The following PHLPP1 variants were observed in gnomAD, a reference collection of about 807,000 sequenced individuals.
PHLPP1 encodes the protein PH domain leucine-rich repeat-containing protein phosphatase 1.
PHLPP1 carries 42 observed loss-of-function variants against 117.2 expected under a neutral mutation model. The observed-to-expected ratio is 0.36, with a 90% CI of 0.28 to 0.46. The LOEUF (loss-of-function observed/expected upper bound fraction) is 0.46. Ranked by LOEUF, PHLPP1 falls within the 20% of genes least tolerant of loss-of-function variation. The pLI is 1.00. For synonymous variants in PHLPP1, 1,042 were observed against 970.7 expected, an observed-to-expected ratio of 1.07 and a Z score of -1.37; for missense variants, 2,084 against 2,241.9, an observed-to-expected ratio of 0.93 and a Z score of 1.42.
intron 2 of PHLPP1, among the ~76,000 whole-genome samples, chr18:62,832,522 G>A (rs183378938): frequency 2.4e-4 from 36 of 152,304 alleles, no homozygotes; most frequent in Non-Finnish European, 5.3e-4. Context: ...CTAGAGTCTT[G>A]TCCTGTTTCC....
At chr18:62,897,993 C>T (rs867999180) in intron 6 of PHLPP1, among the ~76,000 whole-genome samples, 50 of 151,790 alleles carry the variant, frequency 3.3e-4, no homozygotes, top group Middle Eastern at 6.8e-3. Flanking sequence ...TCTTCTGTGG[C>T]ATCATTAATA....
intron 2 of PHLPP1, among the ~76,000 whole-genome samples, chr18:62,837,385 C>A (rs1285534081): frequency 2.6e-5 from 4 of 152,076 alleles, no homozygotes; most frequent in African/African-American, 9.7e-5. Flanking sequence ...TCATAATATT[C>A]TCTTCTTAAT....
At position 62,824,244 on chromosome 18, in the gene PHLPP1, G is replaced by A. The variant is rs114953724; in HGVS notation, c.1577-5791G>A. 4.9e-3 allele frequency: 2,212 copies of A among 454,148 alleles called. 43 individuals are homozygous for A. Among genetic ancestry groups the A allele is most frequent in the African/African-American group, 0.038 (1,913 of 49,756 alleles). 28.1% of individuals were successfully genotyped at this position (454,148 alleles called of 1,614,324 possible). On this transcript the variant is annotated intron_variant, in intron 1 of 16. Coordinates refer to ENST00000262719, the MANE Select transcript of PHLPP1 (RefSeq NM_194449.4). Reference sequence around the variant, plus strand: ...CCATTCCAATCCTAGGTATTTACCCGAGAGGAATCAAAACATTTGTCTATA... The same window carrying A: ...CCATTCCAATCCTAGGTATTTACCCAAGAGGAATCAAAACATTTGTCTATA...
rs748342463 is a variant in PHLPP1 at position 62,978,726 on chromosome 18, T to C, written c.4449T>C (p.Thr1483=). ...CCGAGATTAGCAGTGAGCTCTCCAC[T>C]TCTGAGATGAGCAGCGAGGTGGGGT... The part of the protein sequence containing the change: ...MASEISSELS[T]SEMSSEVGST... Residue 1483 remains threonine (T), a synonymous_variant, in exon 17 of 17, where the codon ACT becomes ACC. Transcript: ENST00000262719. This position sits in a 1 kb window ranked among gnomAD's most constrained non-coding sequence, Gnocchi z 7.0. The C allele has an allele frequency of 1.2e-6, 2 of 1,613,570 alleles. No homozygotes were observed. Among genetic ancestry groups the C allele is most frequent in the East Asian group, 4.5e-5 (2 of 44,852 alleles).
At chr18:62,841,179 C>T (rs554699790) in intron 3 of PHLPP1, among the ~76,000 whole-genome samples, 95 of 152,186 alleles carry the variant, frequency 6.2e-4, no homozygotes, top group African/African-American at 2.2e-3. Flanking sequence ...TGAGCCACTG[C>T]GCCTGGCCTT....
At chr18:62,857,885 A>G (rs1043724140) in intron 3 of PHLPP1, among the ~76,000 whole-genome samples, 7 of 152,258 alleles carry the variant, frequency 4.6e-5, no homozygotes, top group African/African-American at 1.7e-4. Context: ...CTCAACACAT[A>G]TTTTTGAATG....
chr18:62,788,735 G>A (rs1312422150), intron 1 of PHLPP1, among the ~76,000 whole-genome samples: 2 of 152,134 alleles, frequency 1.3e-5, no homozygotes, highest in East Asian at 1.9e-4. Context: ...TTTTGGTACT[G>A]GTTGGATAAA....
At chr18:62,726,275 A>G (rs1022125754) in intron 1 of PHLPP1, among the ~76,000 whole-genome samples, 2 of 152,026 alleles carry the variant, frequency 1.3e-5, no homozygotes, top group East Asian at 3.9e-4. Context: ...AATTTTGTTG[A>G]ACATTAATTG....
chr18:62,816,638 A>G (rs1465110686), intron 1 of PHLPP1, among the ~76,000 whole-genome samples: 1 of 152,108 alleles, frequency 6.6e-6, no homozygotes, highest in Non-Finnish European at 1.5e-5. Flanking sequence ...AGTGGTGGGT[A>G]TTATTAGTCT....
intron 12 of PHLPP1, among the ~76,000 whole-genome samples, chr18:62,953,961 C>G (rs1189249727): frequency 6.6e-6 from 1 of 152,216 alleles, no homozygotes; most frequent in African/African-American, 2.4e-5. Flanking sequence ...ATATATAATA[C>G]TTTGCTATGA....
chr18:62,895,285 T>C (rs1424993628), intron 5 of PHLPP1, 128 bp downstream of exon 5: 46 of 886,634 alleles, frequency 5.2e-5, no homozygotes, highest in Non-Finnish European at 7.2e-5. Context: ...AATCAAGAGA[T>C]CAGGGACTAT....
intron 9 of PHLPP1, 149 bp downstream of exon 9, chr18:62,915,157 G>A (rs1909229604): frequency 1.7e-6 from 1 of 600,524 alleles, no homozygotes; most frequent in South Asian, 2.2e-5. Flanking sequence ...GTGTCTTCAA[G>A]TTACACACTT....
intron 3 of PHLPP1, among the ~76,000 whole-genome samples, chr18:62,845,770 G>A (rs1238974069): frequency 6.6e-6 from 1 of 152,172 alleles, no homozygotes. Flanking sequence ...TAACTTTGAG[G>A]TTGTAATGAT....
At chr18:62,735,981 G>A (rs983846043) in intron 1 of PHLPP1, among the ~76,000 whole-genome samples, 2 of 150,724 alleles carry the variant, frequency 1.3e-5, no homozygotes, top group South Asian at 4.2e-4. Context: ...AAAAAAAAAA[G>A]AGTATAGCTT....
chr18:62,969,930 G>A (rs534974530), intron 14 of PHLPP1, among the ~76,000 whole-genome samples: 325 of 151,856 alleles, frequency 2.1e-3, no homozygotes, highest in African/African-American at 7.6e-3. Flanking sequence ...TTGTCTTTTC[G>A]GTAGTGTTAA....
Position 62,716,439 on chromosome 18 carries a change from C to G in PHLPP1, c.756C>G (p.Pro252=). 1 of 1,321,910 alleles carries G rather than the reference C, an allele frequency of 7.6e-7. No individual in the cohort carries two copies. The allele number at this position is 1,321,910 out of a possible 1,614,324, so 81.9% of individuals were successfully genotyped here. A position where few individuals can be genotyped will look rare whatever the true frequency, so the allele number is the denominator to read the frequency against. Residue 252 remains proline (P), a synonymous_variant, in exon 1 of 17, where the codon CCC becomes CCG. Transcript: ENST00000262719. This position sits in a 1 kb window ranked among gnomAD's most constrained non-coding sequence, Gnocchi z 5.7. ...GGVVKVLGQG[P]GAAAAREPAE... is the part of the protein sequence containing the mutation. Reference sequence around the variant, plus strand: ...TGGTGAAGGTGCTGGGCCAGGGGCCCGGAGCCGCCGCCGCCCGGGAGCCCG... The same window carrying G: ...TGGTGAAGGTGCTGGGCCAGGGGCCGGGAGCCGCCGCCGCCCGGGAGCCCG...
rs774225759 is a variant in PHLPP1 at position 62,900,433 on chromosome 18, C to CTTTTTTTTTTTTTTTTTTTTTTTTT, written c.2445-2527_2445-2503dup. Among the ~76,000 whole-genome samples the CTTTTTTTTTTTTTTTTTTTTTTTTT allele has an allele frequency of 1.7e-4, 9 of 54,258 alleles. 3 individuals are homozygous for CTTTTTTTTTTTTTTTTTTTTTTTTT. The highest frequency in any genetic ancestry group is 7.5e-4 in the South Asian group (1 of 1,342). 35.6% of individuals were successfully genotyped at this position (54,258 alleles called of 152,430 possible). ...GTATTCTTGTTTTTTCTTTTTCTTT[C>CTTTTTTTTTTTTTTTTTTTTTTTTT]TTTTTTTTTTTTTTTTTTTTTTTTT... On this transcript the variant is annotated intron_variant, in intron 6 of 16. Coordinates refer to ENST00000262719, the MANE Select transcript of PHLPP1 (RefSeq NM_194449.4).
chr18:62,918,033 C>T lies in PHLPP1; in HGVS notation c.2805-1926C>T, dbSNP rs576681508. 5.3e-5 allele frequency among the ~76,000 whole-genome samples: 8 copies of T among 151,614 alleles called. No homozygotes were observed. In the South Asian group the frequency reaches 1.3e-3, roughly 24 times the overall value. ...CAGCCTGACCAACATGGTGAAACCCCGTCTCTACTAAAAAATATGAAAATT... is the reference window on the plus strand; with the variant it reads ...CAGCCTGACCAACATGGTGAAACCCTGTCTCTACTAAAAAATATGAAAATT... On this transcript the variant is annotated intron_variant, in intron 9 of 16. Transcript: ENST00000262719.
intron 1 of PHLPP1, among the ~76,000 whole-genome samples, chr18:62,798,191 C>T (rs1263643207): frequency 6.6e-6 from 1 of 152,152 alleles, no homozygotes; most frequent in Non-Finnish European, 1.5e-5. Context: ...CACAAATTTG[C>T]TTTTCTAACA....
Sources: allele counts gnomAD v4.1 joint callset (sites outside exome capture counted in the v4.1 genomes callset), GRCh38; gene constraint gnomAD v4.1.1; non-coding constraint Gnocchi (gnomAD v3.1); transcripts MANE v1.5; gene names NCBI Gene and HGNC (gene_info 2026-07-23, HGNC 2026-07-21).